The following MCM2 variants were observed in gnomAD, a reference collection of about 807,000 sequenced individuals.
MCM2 encodes the protein minichromosome maintenance complex component 2, also known as DNA replication licensing factor MCM2.
In MCM2, 49 loss-of-function variants were observed where a neutral mutation model predicts 86.4. The ratio of observed to expected loss-of-function variants is 0.57; its 90% CI spans 0.45 to 0.72. MCM2 has a LOEUF of 0.72. MCM2 is among the 30% of genes least tolerant of loss of function. The pLI is 0.00. For synonymous variants in MCM2, 475 were observed against 484.6 expected (o/e 0.98, Z 0.26); for missense variants, 1,038 against 1,259.9 (o/e 0.82, Z 2.67).
chr3:127,619,771 T>C (rs2074462417), intron 13 of MCM2, among the ~76,000 whole-genome samples: 1 of 152,148 alleles, frequency 6.6e-6, no homozygotes, highest in Non-Finnish European at 1.5e-5. Flanking sequence ...TTGCTTGAGG[T>C]GAGTTCAAGA....
rs1390784560 is a variant in MCM2, at chr3:127,618,792, T to G, written c.2014-235T>G. On this transcript the variant is annotated intron_variant, in intron 12 of 15. Coordinates refer to ENST00000265056, the MANE Select transcript of MCM2 (RefSeq NM_004526.4). This position sits in a 1 kb window ranked among gnomAD's most constrained non-coding sequence, Gnocchi z 4.0. ...TCTTCTGAGCATTACTTTCCATAAT[T>G]AATTTTTAAGACTATTTGTCTCCTG... Among the ~76,000 whole-genome samples the G allele has an allele frequency of 6.6e-6, 1 of 152,206 alleles. No individual in the cohort carries two copies. Among genetic ancestry groups the G allele is most frequent in the Non-Finnish European group, 1.5e-5 (1 of 68,034 alleles).
intron 7 of MCM2, 114 bp from the exon 8 acceptor site, chr3:127,608,718 T>C: frequency 8.2e-7 from 1 of 1,222,646 alleles, no homozygotes; most frequent in Non-Finnish European, 1.2e-6. Context: ...CTGAGTTACT[T>C]ATCTTGGTGT....
intron 6 of MCM2, among the ~76,000 whole-genome samples, chr3:127,607,850 T>C (rs1460765284): frequency 6.6e-6 from 1 of 152,204 alleles, no homozygotes; most frequent in African/African-American, 2.4e-5. Context: ...AGCTCAGGCA[T>C]CTTGATCTAG....
At chr3:127,607,933 G>A (rs1205357890) in intron 6 of MCM2, among the ~76,000 whole-genome samples, 13 of 152,242 alleles carry the variant, frequency 8.5e-5, no homozygotes, top group Admixed American at 7.8e-4. Context: ...GTGCTGGCCT[G>A]TGATACTTGA....
intron 8 of MCM2, among the ~76,000 whole-genome samples, chr3:127,609,511 A>G (rs2074376822): frequency 6.6e-6 from 1 of 151,928 alleles, no homozygotes; most frequent in Non-Finnish European, 1.5e-5. Flanking sequence ...GGGTCTCACT[A>G]CGTTGTCCAG....
At chr3:127,603,676 T>C (rs1475180220) in intron 2 of MCM2, among the ~76,000 whole-genome samples, 1 of 151,806 alleles carries the variant, frequency 6.6e-6, no homozygotes, top group African/African-American at 2.4e-5. Flanking sequence ...TTTGTTTTTT[T>C]TGAGACGGAG....
Position 127,621,984 on chromosome 3 carries a change from T to C in MCM2, c.*211T>C, listed in dbSNP as rs564082583. On this transcript the variant is annotated 3_prime_UTR_variant, in exon 16 of 16. Coordinates refer to ENST00000265056, the MANE Select transcript of MCM2 (RefSeq NM_004526.4). Reference sequence around the variant, plus strand: ...ACCTTTGGGTGGGATGCCTTGCCAGTGTGTCTTACTTGGTTGCTGAACATC... The same window carrying C: ...ACCTTTGGGTGGGATGCCTTGCCAGCGTGTCTTACTTGGTTGCTGAACATC... 3 of 524,904 alleles carry C rather than the reference T, an allele frequency of 5.7e-6. No homozygotes were observed. The highest frequency in any genetic ancestry group is 6.6e-5 in the East Asian group (2 of 30,116). The allele number at this position is 524,904 out of a possible 1,614,324, so 32.5% of individuals were successfully genotyped here. A position where few individuals can be genotyped will look rare whatever the true frequency, so the allele number is the denominator to read the frequency against.
chr3:127,618,953 C>T lies in MCM2; in HGVS notation c.2014-74C>T. 1 of 1,452,562 alleles carries T rather than the reference C, an allele frequency of 6.9e-7. No homozygotes were observed. The highest frequency in any genetic ancestry group is 9.2e-7 in the Non-Finnish European group (1 of 1,090,834). The allele number at this position is 1,452,562 out of a possible 1,614,324, so 90.0% of individuals were successfully genotyped here. A position where few individuals can be genotyped will look rare whatever the true frequency, so the allele number is the denominator to read the frequency against. On this transcript the variant is annotated intron_variant, in intron 12 of 15. Transcript: ENST00000265056. This position sits in a 1 kb window ranked among gnomAD's most constrained non-coding sequence, Gnocchi z 4.0. Reference sequence around the variant, plus strand: ...GTCACCCTTGTAGGGCACACTCAGCCCTTCTCCAGCCACTGACCTCCCCAA... The same window carrying T: ...GTCACCCTTGTAGGGCACACTCAGCTCTTCTCCAGCCACTGACCTCCCCAA...
intron 8 of MCM2, 98 bp from the exon 9 acceptor site, chr3:127,615,764 G>T: frequency 1.2e-6 from 1 of 837,346 alleles, no homozygotes; most frequent in Admixed American, 1.8e-5. Flanking sequence ...GGGTGTCTTT[G>T]AGCTGGGGAT....
At chr3:127,607,918 G>A (rs2074362806) in intron 6 of MCM2, among the ~76,000 whole-genome samples, 1 of 152,224 alleles carries the variant, frequency 6.6e-6, no homozygotes, top group South Asian at 2.1e-4. Flanking sequence ...AAATGACATG[G>A]CACAGTGCTG....
chr3:127,621,317 G>T, intron 15 of MCM2, 89 bp downstream of exon 15: 1 of 1,512,474 alleles, frequency 6.6e-7, no homozygotes, highest in South Asian at 1.2e-5. Context: ...AATGGGTCAT[G>T]AAGTGGGTGG....
rs1334001164 is a variant in MCM2, at chr3:127,599,363, CG to C, written c.54del (p.Arg19GlufsTer39). On this transcript the variant is annotated frameshift_variant, in exon 2 of 16. Transcript: ENST00000265056. LOFTEE classifies it high-confidence loss of function. Reference protein sequence around the residue: ...FTMASSPAQRRRGNDPLTSSP... With the variant: ...FTMASSPAQRXRGNDPLTSSP... ...CATGGCATCCAGCCCGGCCCAGCGT[CG>C]GCGAGGCAATGATCCTCTCACCTCC... 3.1e-6 allele frequency: 5 copies of C among 1,614,008 alleles called. No homozygotes were observed. Among genetic ancestry groups the C allele is most frequent in the Non-Finnish European group, 4.2e-6 (5 of 1,180,026 alleles).
rs572319263 is a variant in MCM2, at chr3:127,599,470, C to G, written c.159C>G (p.Ser53=). The part of the protein sequence containing the change: ...GRDLPPFEDE[S]EGLLGTEGPL... ...ACCTTCCACCATTTGAGGATGAGTCCGAGGGGCTCCTAGGCACAGAGGGGC... is the reference window on the plus strand; with the variant it reads ...ACCTTCCACCATTTGAGGATGAGTCGGAGGGGCTCCTAGGCACAGAGGGGC... Residue 53 remains serine, a synonymous_variant, in exon 2 of 16, where the codon TCC becomes TCG. Coordinates refer to ENST00000265056, the MANE Select transcript of MCM2 (RefSeq NM_004526.4). 6.2e-7 allele frequency: 1 copy of G among 1,614,094 alleles called. No homozygotes were observed. The highest frequency in any genetic ancestry group is 1.3e-5 in the African/African-American group (1 of 75,026).
intron 8 of MCM2, among the ~76,000 whole-genome samples, chr3:127,611,148 G>A (rs1002266363): frequency 3.3e-5 from 5 of 152,226 alleles, no homozygotes; most frequent in African/African-American, 1.2e-4. Context: ...CTCACCACCT[G>A]CAGAGGCTCA....
chr3:127,608,744 C>T, intron 7 of MCM2, 88 bp from the exon 8 acceptor site: 1 of 1,393,244 alleles, frequency 7.2e-7, no homozygotes, highest in Non-Finnish European at 1.0e-6. Context: ...GTGTGGAGCA[C>T]TTGCAATAGG....
intron 1 of MCM2, 70 bp downstream of exon 1, chr3:127,598,542 C>G (rs1161723886): frequency 1.9e-6 from 3 of 1,577,498 alleles, no homozygotes; most frequent in East Asian, 4.6e-5. Flanking sequence ...TTCCCGTACT[C>G]TGGCCCCGGC....
chr3:127,608,918 C>T lies in MCM2; in HGVS notation c.1323C>T (p.Ala441=), dbSNP rs1372605955. 7.4e-6 allele frequency: 12 copies of T among 1,614,032 alleles called. No individual in the cohort carries two copies. Among genetic ancestry groups the T allele is most frequent in the Non-Finnish European group, 1.0e-5 (12 of 1,180,032 alleles). Residue 441 remains alanine, a synonymous_variant, in exon 8 of 16, where the codon GCC becomes GCT. Coordinates refer to ENST00000265056, the MANE Select transcript of MCM2 (RefSeq NM_004526.4). The part of the protein sequence containing the change: ...GFPVFATVIL[A]NHVAKKDNKV... ...CTGTCTTTGCCACTGTCATCCTAGC[C>T]AACCACGTGGCCAAGAAGGACAACA...
rs777340253 is a variant in MCM2 at position 127,615,842 on chromosome 3, G to A, written c.1429-20G>A. On this transcript the variant is annotated intron_variant, in intron 8 of 15. Transcript: ENST00000265056. ...GTGAGTATCTGTTCCCATTCTTGTC[G>A]GTCTCCCTCCCTTTCTCAGATCTTT... is the stretch of plus-strand genomic sequence containing the variant. The A allele has an allele frequency of 8.2e-6, 13 of 1,579,356 alleles. No individual in the cohort carries two copies. Among genetic ancestry groups the A allele is most frequent in the South Asian group, 6.6e-5 (6 of 90,386 alleles).
At chr3:127,614,674 T>C (rs1222612661) in intron 8 of MCM2, among the ~76,000 whole-genome samples, 1 of 152,252 alleles carries the variant, frequency 6.6e-6, no homozygotes, top group African/African-American at 2.4e-5. Flanking sequence ...TTACTAGTTT[T>C]AAAAATAATG....
Sources: allele counts gnomAD v4.1 joint callset (sites outside exome capture counted in the v4.1 genomes callset), GRCh38; gene constraint gnomAD v4.1.1; non-coding constraint Gnocchi (gnomAD v3.1); transcripts MANE v1.5; gene names NCBI Gene and HGNC (gene_info 2026-07-23, HGNC 2026-07-21).